Variants in PDE3A observed in about 807,000 individuals in gnomAD.
PDE3A encodes phosphodiesterase 3A.
In PDE3A, 43 loss-of-function variants were observed where a neutral mutation model predicts 98.3. That is an observed-to-expected ratio of 0.44 (90% confidence interval 0.34 to 0.56). The LOEUF is 0.56. Ranked by LOEUF, PDE3A falls within the 20% of genes least tolerant of loss-of-function variation. The pLI, the probability that PDE3A is intolerant of heterozygous loss-of-function variation, is 0.01. For missense variants in PDE3A, 1,427 were observed against 1,440.7 expected, an observed-to-expected ratio of 0.99 and a Z score of 0.15; for synonymous variants, 663 against 567.9, an observed-to-expected ratio of 1.17 and a Z score of -2.38.
chr12:20,515,955 A>T (rs1592008191), intron 1 of PDE3A, among the ~76,000 whole-genome samples: 2 of 149,084 alleles, frequency 1.3e-5, no homozygotes, highest in Middle Eastern at 3.5e-3. Context: ...GATGGTCTCG[A>T]TCTCCTGACC....
chr12:20,375,798 A>G (rs1943560269), intron 1 of PDE3A, among the ~76,000 whole-genome samples: 1 of 151,972 alleles, frequency 6.6e-6, no homozygotes, highest in South Asian at 2.1e-4. Flanking sequence ...ACAGTGAAAT[A>G]TCTTAGATAA....
chr12:20,388,309 G>C (rs373743358), intron 1 of PDE3A, among the ~76,000 whole-genome samples: 1 of 152,026 alleles, frequency 6.6e-6, no homozygotes, highest in Non-Finnish European at 1.5e-5. Context: ...AGTGGTACAT[G>C]ATCCTCCAAG....
chr12:20,585,542 C>A (rs1048600394), intron 2 of PDE3A, among the ~76,000 whole-genome samples: 1 of 152,178 alleles, frequency 6.6e-6, no homozygotes, highest in Non-Finnish European at 1.5e-5. Context: ...TCACCATTTG[C>A]CAACTGAGAG....
chr12:20,439,776 C>T (rs968909705), intron 1 of PDE3A, among the ~76,000 whole-genome samples: 8 of 152,106 alleles, frequency 5.3e-5, no homozygotes, highest in East Asian at 3.8e-4. Flanking sequence ...GGGACACCCT[C>T]CTCTCACCCC....
At chr12:20,438,532 A>G (rs1414638697) in intron 1 of PDE3A, among the ~76,000 whole-genome samples, 3 of 152,244 alleles carry the variant, frequency 2.0e-5, no homozygotes, top group African/African-American at 7.2e-5. Flanking sequence ...TAGTAGAGAC[A>G]AATATGGTAT....
At chr12:20,458,090 C>T (rs11045259) in intron 1 of PDE3A, among the ~76,000 whole-genome samples, 51,142 of 151,686 alleles carry the variant, frequency 0.34, 9,477 homozygotes, top group Non-Finnish European at 0.41. Context: ...GAATTTTCAT[C>T]ATTTTGTATA....
rs745600228 is a variant in PDE3A at position 20,556,683 on chromosome 12, C to A, written c.984C>A (p.Asp328Glu). The A allele has an allele frequency of 2.5e-5, 41 of 1,608,620 alleles. No homozygotes were observed. In the East Asian group the frequency reaches 8.5e-4, roughly 33 times the overall value. ...AGCTCATGGGGCATTCAGAATGGGA[C>A]CACAAACGAGGGCCAAGAGGATCAC... ...REQLMGHSEW[D>E]HKRGPRGSQS... Residue 328 changes from aspartate (D) to glutamate (E), a missense_variant, in exon 2 of 16, where the codon GAC becomes GAA. This residue lies in a region of PDE3A where 1,012 missense variants were observed against 886.5 expected (regional missense o/e 1.14). Transcript: ENST00000359062.
intron 1 of PDE3A, among the ~76,000 whole-genome samples, chr12:20,517,443 T>A (rs1946343575): frequency 6.6e-6 from 1 of 152,172 alleles, no homozygotes; most frequent in African/African-American, 2.4e-5. Flanking sequence ...AAATGTTGTG[T>A]GATTATTGTA....
At chr12:20,647,545 C>T (rs1323399397) in intron 12 of PDE3A, among the ~76,000 whole-genome samples, 1 of 152,040 alleles carries the variant, frequency 6.6e-6, no homozygotes, top group Non-Finnish European at 1.5e-5. Context: ...CCCATTTATA[C>T]AATCAAATTT....
intron 1 of PDE3A, among the ~76,000 whole-genome samples, chr12:20,402,080 T>G (rs918380109): frequency 6.6e-6 from 1 of 152,154 alleles, no homozygotes; most frequent in Admixed American, 6.5e-5. Context: ...GTTGTGCTGC[T>G]GGGGAAGTTG....
At chr12:20,668,443 G>C (rs1485269456) in intron 15 of PDE3A, among the ~76,000 whole-genome samples, 1 of 138,968 alleles carries the variant, frequency 7.2e-6, no homozygotes, top group East Asian at 2.1e-4. Context: ...AGACTTAAAT[G>C]TCCCTGTCTG....
rs1290819714 is a variant in PDE3A, at chr12:20,681,242, G to A, written c.*971G>A. 1 of 152,150 alleles carries A rather than the reference G, an allele frequency of 6.6e-6. No homozygotes were observed. The highest frequency in any genetic ancestry group is 2.1e-4 in the South Asian group (1 of 4,836). 9.4% of individuals were successfully genotyped at this position (152,150 alleles called of 1,614,324 possible). On this transcript the variant is annotated 3_prime_UTR_variant, in exon 16 of 16. Coordinates refer to ENST00000359062, the MANE Select transcript of PDE3A (RefSeq NM_000921.5). ...ATGAATGTATAGGAACTGTCTATGA[G>A]TATGGATGTCACTCAACTAAGATCA...
At chr12:20,510,696 T>C (rs891204530) in intron 1 of PDE3A, among the ~76,000 whole-genome samples, 1 of 151,966 alleles carries the variant, frequency 6.6e-6, no homozygotes, top group South Asian at 2.1e-4. Context: ...GCTGTTTCCA[T>C]TGTAGAAATA....
intron 1 of PDE3A, among the ~76,000 whole-genome samples, chr12:20,514,738 A>G (rs1946285986): frequency 6.6e-6 from 1 of 152,232 alleles, no homozygotes; most frequent in African/African-American, 2.4e-5. Context: ...ACAGTGAAGC[A>G]TAATAGAAAG....
chr12:20,421,300 T>A (rs887770116), intron 1 of PDE3A, among the ~76,000 whole-genome samples: 89 of 152,296 alleles, frequency 5.8e-4, no homozygotes, highest in African/African-American at 2.1e-3. Context: ...AATTTTTATG[T>A]TTTGATGTTC....
At position 20,646,734 on chromosome 12, in the gene PDE3A, T is replaced by C. The variant is rs564491966; in HGVS notation, c.2366-17T>C. 1 of 1,568,968 alleles carries C rather than the reference T, an allele frequency of 6.4e-7. No individual in the cohort carries two copies. Among genetic ancestry groups the C allele is most frequent in the Non-Finnish European group, 8.8e-7 (1 of 1,139,578 alleles). The stretch of plus-strand genomic sequence containing the variant: ...ACTTTTTTAAAAACTTCTTTGACTC[T>C]CATTTTCTCTTCTCAGATTCTGACA... On this transcript the variant is annotated splice_polypyrimidine_tract_variant and intron_variant, in intron 11 of 15. Transcript: ENST00000359062.
chr12:20,383,206 G>C (rs547051486), intron 1 of PDE3A, among the ~76,000 whole-genome samples: 1 of 151,870 alleles, frequency 6.6e-6, no homozygotes, highest in Non-Finnish European at 1.5e-5. Flanking sequence ...ACAGAAACTT[G>C]ATTTGTGCTT....
chr12:20,533,821 G>A (rs1169895954), intron 1 of PDE3A, among the ~76,000 whole-genome samples: 1 of 151,746 alleles, frequency 6.6e-6, no homozygotes, highest in Non-Finnish European at 1.5e-5. Context: ...TAAAGAATAA[G>A]TCTGAACAAA....
At chr12:20,620,966 C>G (rs1944119805) in intron 4 of PDE3A, among the ~76,000 whole-genome samples, 1 of 152,000 alleles carries the variant, frequency 6.6e-6, no homozygotes, top group Admixed American at 6.6e-5. Flanking sequence ...AATCTGTAAG[C>G]CTCTTTTAGA....
Sources: allele counts gnomAD v4.1 joint callset (sites outside exome capture counted in the v4.1 genomes callset), GRCh38; gene constraint gnomAD v4.1.1; regional missense constraint gnomAD v4.1.1; transcripts MANE v1.5; gene names NCBI Gene and HGNC (gene_info 2026-07-23, HGNC 2026-07-21).